The following UNC5C variants were observed in gnomAD, a reference collection of about 807,000 sequenced individuals.
UNC5C encodes the protein unc-5 netrin receptor C.
Under a neutral mutation model 99.8 loss-of-function variants are expected in UNC5C, and 47 were observed. That is an observed-to-expected ratio of 0.47 (90% confidence interval 0.37 to 0.60). The LOEUF is 0.60. UNC5C is among the 20% of genes least tolerant of loss of function. The probability of loss-of-function intolerance (pLI) is 0.00; values close to 1 mark genes in which losing one functional copy is unlikely to be tolerated. For synonymous variants in UNC5C, 487 were observed against 452.2 expected (o/e 1.08, Z -0.98); for missense variants, 1,062 against 1,165.9 (o/e 0.91, Z 1.30).
intron 1 of UNC5C, among the ~76,000 whole-genome samples, chr4:95,391,603 T>G (rs988677344): frequency 6.6e-6 from 1 of 152,148 alleles, no homozygotes; most frequent in Admixed American, 6.5e-5. Flanking sequence ...CCACATTTTA[T>G]ATGTGAACTT....
intron 2 of UNC5C, among the ~76,000 whole-genome samples, chr4:95,328,787 G>T (rs1437058640): frequency 6.6e-6 from 1 of 151,946 alleles, no homozygotes; most frequent in African/African-American, 2.4e-5. Flanking sequence ...ATCTCATAGT[G>T]GTTTTGATTT....
chr4:95,282,381 G>GT, intron 3 of UNC5C, among the ~76,000 whole-genome samples: 1 of 152,150 alleles, frequency 6.6e-6, no homozygotes, highest in Non-Finnish European at 1.5e-5. Flanking sequence ...GATGAGGAGT[G>GT]GCCAGGAAGT....
Position 95,169,240 on chromosome 4 carries a change from C to T in UNC5C, c.2790G>A (p.Gln930=), listed in dbSNP as rs367870310. The change falls in exon 16 of 16, where the codon CAG becomes CAA. Residue 930 remains glutamine (Q), a synonymous_variant. Coordinates refer to ENST00000453304, the MANE Select transcript of UNC5C (RefSeq NM_003728.4). ...TCCCCTTCCAGCATGGTGGTTAATA[C>T]TGCCCTTCTGCTGCTAAGGACACCA... The part of the protein sequence containing the change: ...ETVVSLAAEG[Q]Y 13 of 1,613,922 alleles carry T rather than the reference C, an allele frequency of 8.1e-6. No homozygotes were observed. The highest frequency in any genetic ancestry group is 1.3e-5 in the African/African-American group (1 of 74,896).
chr4:95,328,040 C>CTTTTT (rs34794058), intron 2 of UNC5C, among the ~76,000 whole-genome samples: 17 of 87,062 alleles, frequency 2.0e-4, no homozygotes, highest in Non-Finnish European at 3.1e-4. Context: ...CAGGCAACTT[C>CTTTTT]TTTTTTTTTT....
chr4:95,453,787 A>G (rs1747351928), intron 1 of UNC5C, among the ~76,000 whole-genome samples: 1 of 152,144 alleles, frequency 6.6e-6, no homozygotes, highest in African/African-American at 2.4e-5. Context: ...AAGGCTGCTT[A>G]TGGTGAGACT....
intron 1 of UNC5C, among the ~76,000 whole-genome samples, chr4:95,438,709 A>G (rs945700675): frequency 3.3e-5 from 5 of 152,156 alleles, no homozygotes; most frequent in Non-Finnish European, 5.9e-5. Flanking sequence ...GGACTGCTAT[A>G]TGATTATTTC....
chr4:95,527,342 C>A (rs1359608734), intron 1 of UNC5C, among the ~76,000 whole-genome samples: 1 of 152,022 alleles, frequency 6.6e-6, no homozygotes, highest in Non-Finnish European at 1.5e-5. Flanking sequence ...ATTGCATTTA[C>A]TGGGAAATAA....
At chr4:95,386,778 T>TC (rs1207599294) in intron 1 of UNC5C, among the ~76,000 whole-genome samples, 1 of 152,014 alleles carries the variant, frequency 6.6e-6, no homozygotes, top group African/African-American at 2.4e-5. Context: ...TGTTCTCACT[T>TC]CCCCCCAAAA....
chr4:95,228,953 G>A (rs1016293307), intron 7 of UNC5C, among the ~76,000 whole-genome samples: 1 of 152,116 alleles, frequency 6.6e-6, no homozygotes, highest in African/African-American at 2.4e-5. Flanking sequence ...TAATGTGACT[G>A]GGGAGCCTTG....
chr4:95,518,890 C>T (rs936699128), intron 1 of UNC5C, among the ~76,000 whole-genome samples: 3 of 152,032 alleles, frequency 2.0e-5, no homozygotes, highest in Non-Finnish European at 4.4e-5. Context: ...TACCTTGGTA[C>T]TACAGAACTA....
At chr4:95,169,913 G>C (rs537481097) in intron 15 of UNC5C, among the ~76,000 whole-genome samples, 6 of 152,256 alleles carry the variant, frequency 3.9e-5, no homozygotes, top group African/African-American at 1.4e-4. Flanking sequence ...CATCAGCTTG[G>C]CAAAGTGCAT....
chr4:95,394,368 A>G (rs977226444), intron 1 of UNC5C, among the ~76,000 whole-genome samples: 2 of 152,208 alleles, frequency 1.3e-5, no homozygotes, highest in African/African-American at 4.8e-5. Context: ...TTCTAGAAAT[A>G]AAGTGCATCT....
intron 1 of UNC5C, among the ~76,000 whole-genome samples, chr4:95,378,565 G>T (rs972298006): frequency 6.6e-6 from 1 of 152,084 alleles, no homozygotes; most frequent in African/African-American, 2.4e-5. Context: ...CAGAATAAAA[G>T]CATTATAAGG....
chr4:95,322,927 G>C (rs1302782115), intron 2 of UNC5C, among the ~76,000 whole-genome samples: 1 of 137,824 alleles, frequency 7.3e-6, no homozygotes, highest in African/African-American at 2.8e-5. Flanking sequence ...GACAGAGCGA[G>C]ATTCTGTCTC....
chr4:95,547,663 G>A (rs1204140159), intron 1 of UNC5C, among the ~76,000 whole-genome samples: 1 of 152,258 alleles, frequency 6.6e-6, no homozygotes, highest in Non-Finnish European at 1.5e-5. Flanking sequence ...GACCCAAGTA[G>A]GAGCTGGGCT....
At chr4:95,178,260 T>C (rs560885420) in intron 14 of UNC5C, among the ~76,000 whole-genome samples, 1 of 152,314 alleles carries the variant, frequency 6.6e-6, no homozygotes, top group South Asian at 2.1e-4. Flanking sequence ...TTCTGCTCTT[T>C]CTTTTCTTTG....
intron 1 of UNC5C, among the ~76,000 whole-genome samples, chr4:95,467,103 G>A (rs1426414204): frequency 6.6e-6 from 1 of 152,154 alleles, no homozygotes; most frequent in Non-Finnish European, 1.5e-5. Context: ...AGATCCTCCA[G>A]CCCTGGTCAA....
chr4:95,514,607 T>C (rs1405219657), intron 1 of UNC5C, among the ~76,000 whole-genome samples: 2 of 149,976 alleles, frequency 1.3e-5, no homozygotes, highest in Non-Finnish European at 3.0e-5. Flanking sequence ...CTGTGTGTTC[T>C]ATAAGAGCAG....
At chr4:95,281,903 C>A (rs866207598) in intron 3 of UNC5C, among the ~76,000 whole-genome samples, 1 of 152,158 alleles carries the variant, frequency 6.6e-6, no homozygotes, top group African/African-American at 2.4e-5. Context: ...TACTTGGCAA[C>A]ATCCCTGGAC....
Sources: allele counts gnomAD v4.1 joint callset (sites outside exome capture counted in the v4.1 genomes callset), GRCh38; gene constraint gnomAD v4.1.1; transcripts MANE v1.5; gene names NCBI Gene and HGNC (gene_info 2026-07-23, HGNC 2026-07-21).